Variants in ZCCHC7 observed in about 807,000 individuals in gnomAD.
ZCCHC7 encodes zinc finger CCHC-type containing 7.
ZCCHC7 carries 35 observed loss-of-function variants against 52.0 expected under a neutral mutation model. That is an observed-to-expected ratio of 0.67 (90% CI 0.51 to 0.89). The LOEUF (loss-of-function observed/expected upper bound fraction) is 0.89, where lower values mean the gene tolerates loss of function less well. Ranked by LOEUF, ZCCHC7 falls within the 40% of genes least tolerant of loss-of-function variation. The pLI, the probability that ZCCHC7 is intolerant of heterozygous loss-of-function variation, is 0.00. For synonymous variants in ZCCHC7, 217 were observed against 221.5 expected, an observed-to-expected ratio of 0.98 and a Z score of 0.18; for missense variants, 574 against 649.1, an observed-to-expected ratio of 0.88 and a Z score of 1.26.
At chr9:37,339,007 C>G (rs766174572) in intron 6 of ZCCHC7, among the ~76,000 whole-genome samples, 6 of 152,088 alleles carry the variant, frequency 3.9e-5, no homozygotes, top group Non-Finnish European at 8.8e-5. Flanking sequence ...AGGAATTACC[C>G]AATGGATTGG....
At chr9:37,209,267 C>T (rs2133204705) in intron 2 of ZCCHC7, among the ~76,000 whole-genome samples, 1 of 152,248 alleles carries the variant, frequency 6.6e-6, no homozygotes, top group Middle Eastern at 3.4e-3. Context: ...GTCTCGATCT[C>T]CTGACCTTGT....
chr9:37,122,157 A>G (rs1308075088), intron 1 of ZCCHC7, among the ~76,000 whole-genome samples: 1 of 152,244 alleles, frequency 6.6e-6, no homozygotes, highest in African/African-American at 2.4e-5. Flanking sequence ...AATAAGAGCA[A>G]AAGGTCAGAA....
intron 2 of ZCCHC7, among the ~76,000 whole-genome samples, chr9:37,263,291 C>G (rs1012082268): frequency 2.0e-5 from 3 of 151,864 alleles, no homozygotes; most frequent in Non-Finnish European, 2.9e-5. Context: ...TTTATCCCAG[C>G]CTTTTCCTAT....
intron 2 of ZCCHC7, among the ~76,000 whole-genome samples, chr9:37,296,274 G>A (rs1588628674): frequency 6.6e-6 from 1 of 152,278 alleles, no homozygotes; most frequent in Admixed American, 6.5e-5. Flanking sequence ...ATGACCTTTT[G>A]TTTTAAAATA....
intron 4 of ZCCHC7, 151 bp downstream of exon 4, chr9:37,304,464 T>C: frequency 4.4e-6 from 4 of 914,074 alleles, no homozygotes; most frequent in Non-Finnish European, 6.3e-6. Context: ...CCATCCTAGC[T>C]AACATGGTGA....
At chr9:37,172,796 T>A (rs978282071) in intron 2 of ZCCHC7, among the ~76,000 whole-genome samples, 3 of 143,744 alleles carry the variant, frequency 2.1e-5, no homozygotes, top group African/African-American at 7.8e-5. Flanking sequence ...GAGTGAGCAG[T>A]GTGGGCATTC....
chr9:37,147,134 T>C (rs1843468490), intron 2 of ZCCHC7, among the ~76,000 whole-genome samples: 1 of 151,990 alleles, frequency 6.6e-6, no homozygotes, highest in Non-Finnish European at 1.5e-5. Context: ...AATTGAATTA[T>C]ATATATCAAT....
intron 2 of ZCCHC7, among the ~76,000 whole-genome samples, chr9:37,199,647 T>C (rs927387162): frequency 3.0e-5 from 4 of 131,732 alleles, no homozygotes; most frequent in Non-Finnish European, 6.5e-5. Context: ...TGTTTCTTTT[T>C]CTGTCTGTCT....
At chr9:37,228,996 C>T (rs1436431304) in intron 2 of ZCCHC7, among the ~76,000 whole-genome samples, 6 of 151,696 alleles carry the variant, frequency 4.0e-5, no homozygotes, top group South Asian at 2.1e-4. Flanking sequence ...CCACCATGCC[C>T]GGCTAATTTT....
intron 2 of ZCCHC7, chr9:37,284,265 T>C (rs2133585829): frequency 6.6e-6 from 1 of 152,266 alleles, no homozygotes; most frequent in East Asian, 1.9e-4. Flanking sequence ...GAATTCAAGT[T>C]AGACAGTAAC....
intron 2 of ZCCHC7, among the ~76,000 whole-genome samples, chr9:37,228,886 A>G (rs555898563): frequency 1.1e-3 from 168 of 150,248 alleles, no homozygotes; most frequent in African/African-American, 3.9e-3. Flanking sequence ...CCTGGGCTAA[A>G]GTGCAGTGGC....
chr9:37,272,743 C>T (rs1350206991), intron 2 of ZCCHC7, among the ~76,000 whole-genome samples: 1 of 152,160 alleles, frequency 6.6e-6, no homozygotes, highest in Non-Finnish European at 1.5e-5. Context: ...TTATTTTGCA[C>T]ATTTGCAGAC....
At chr9:37,211,069 T>A (rs1824188908) in intron 2 of ZCCHC7, among the ~76,000 whole-genome samples, 1 of 152,226 alleles carries the variant, frequency 6.6e-6, no homozygotes. Context: ...GTTTTGCTGG[T>A]TAGCTGGAAC....
chr9:37,192,054 CA>C (rs977900047), intron 2 of ZCCHC7, among the ~76,000 whole-genome samples: 4 of 152,146 alleles, frequency 2.6e-5, no homozygotes, highest in African/African-American at 9.7e-5. Context: ...AGTGGTCTCC[CA>C]AGGGGCATTA....
chr9:37,176,655 A>G (rs1255847488), intron 2 of ZCCHC7, among the ~76,000 whole-genome samples: 1 of 152,042 alleles, frequency 6.6e-6, no homozygotes, highest in Non-Finnish European at 1.5e-5. Context: ...CATTTAATGT[A>G]TATATTTTAA....
intron 3 of ZCCHC7, among the ~76,000 whole-genome samples, chr9:37,303,498 A>T (rs1036960039): frequency 6.6e-6 from 1 of 151,488 alleles, no homozygotes; most frequent in African/African-American, 2.4e-5. Context: ...TGTCTAAGTG[A>T]TGCATGTCAG....
chr9:37,235,389 A>G (rs746114757), intron 2 of ZCCHC7, among the ~76,000 whole-genome samples: 23 of 152,140 alleles, frequency 1.5e-4, no homozygotes, highest in Admixed American at 5.9e-4. Context: ...TTCATTTAAT[A>G]TAATGTCCTC....
intron 2 of ZCCHC7, among the ~76,000 whole-genome samples, chr9:37,188,961 A>C (rs1234431304): frequency 8.6e-4 from 5 of 5,844 alleles, no homozygotes; most frequent in East Asian, 3.3e-3. Flanking sequence ...CTCTCCTCCC[A>C]TCTCCTCCCC....
chr9:37,260,398 C>T (rs955477934), intron 2 of ZCCHC7, among the ~76,000 whole-genome samples: 21 of 152,224 alleles, frequency 1.4e-4, no homozygotes, highest in African/African-American at 4.8e-4. Context: ...TATGCTGACA[C>T]TTGACATATT....
Sources: gnomAD v4.1 joint callset for allele counts (sites outside exome capture counted in the v4.1 genomes callset) on GRCh38, gnomAD v4.1.1 for gene constraint, MANE v1.5 for transcripts, NCBI Gene and HGNC (gene_info 2026-07-23, HGNC 2026-07-21) for gene names.